Variants in DRC3 observed in about 807,000 individuals in gnomAD.
DRC3 encodes the protein dynein regulatory complex subunit 3.
DRC3 carries 45 observed loss-of-function variants against 57.6 expected under a neutral mutation model. The ratio of observed to expected loss-of-function variants is 0.78; its 90% CI spans 0.62 to 1.00. The LOEUF (loss-of-function observed/expected upper bound fraction) is 1.00. Among genes scored for constraint, DRC3 ranks in the 50% least tolerant of loss-of-function variants. The pLI, the probability that DRC3 is intolerant of heterozygous loss-of-function variation, is 0.00. For synonymous variants in DRC3, 257 were observed against 272.3 expected (o/e 0.94, Z 0.55); for missense variants, 655 against 675.2 (o/e 0.97, Z 0.33).
At chr17:18,004,758 T>A in intron 10 of DRC3, 1 of 441,408 alleles carries the variant, frequency 2.3e-6, no homozygotes, top group Non-Finnish European at 4.1e-6. Context: ...TGGGGAGAGG[T>A]TTTTGATTAG....
At chr17:17,979,711 T>C (rs1310246879) in intron 3 of DRC3, among the ~76,000 whole-genome samples, 1 of 152,120 alleles carries the variant, frequency 6.6e-6, no homozygotes, top group Non-Finnish European at 1.5e-5. Flanking sequence ...GTGCTACTGC[T>C]GGGGGGCTGT....
At chr17:17,987,875 G>A (rs1448130910) in intron 4 of DRC3, 57 bp from the exon 5 acceptor site, 1 of 1,576,728 alleles carries the variant, frequency 6.3e-7, no homozygotes, top group African/African-American at 1.3e-5. Flanking sequence ...TTTTATTTCA[G>A]GACAGCCCAT....
rs2044053328 is a variant in DRC3 at position 18,008,306 on chromosome 17, G to C, written c.1326+1159G>C. On this transcript the variant is annotated intron_variant, in intron 12 of 13. Transcript: ENST00000399187. This position sits in a 1 kb window ranked among gnomAD's most constrained non-coding sequence, Gnocchi z 4.3. ...AACTTCCAGAAAAACCACTGTCTCT[G>C]TATCACATGCCCCATTTATCAGGTC... Among the ~76,000 whole-genome samples the C allele has an allele frequency of 6.6e-6, 1 of 152,208 alleles. No individual in the cohort carries two copies. The highest frequency in any genetic ancestry group is 1.5e-5 in the Non-Finnish European group (1 of 68,044).
rs192770165 is a variant in DRC3 at position 18,012,741 on chromosome 17, T to C, written c.1327-3323T>C. Among the ~76,000 whole-genome samples, 32 of 151,232 alleles carry C rather than the reference T, an allele frequency of 2.1e-4. 1 individual carries two copies. Among genetic ancestry groups the C allele is most frequent in the Admixed American group, 2.1e-3 (32 of 15,196 alleles). On this transcript the variant is annotated intron_variant, in intron 12 of 13. Transcript: ENST00000399187. ...GACCAGAAGAAAACAAGAGAAATGC[T>C]TTAGGACATTGGCCTGGGAAAAAAT...
chr17:18,002,766 G>A (rs1158852799), intron 9 of DRC3, among the ~76,000 whole-genome samples: 4 of 152,132 alleles, frequency 2.6e-5, no homozygotes, highest in Admixed American at 1.3e-4. Flanking sequence ...CTGAGTCAGC[G>A]AATGAAAGTG....
At chr17:18,007,612 A>G (rs2044028143) in intron 12 of DRC3, 4 of 1,429,936 alleles carry the variant, frequency 2.8e-6, no homozygotes, top group Non-Finnish European at 3.7e-6. Context: ...TGGTCACAAA[A>G]TCAGCAGGGT....
At chr17:17,995,958 C>T (rs1036318103) in intron 8 of DRC3, among the ~76,000 whole-genome samples, 2 of 152,220 alleles carry the variant, frequency 1.3e-5, no homozygotes, top group Middle Eastern at 3.2e-3. Context: ...TCTGTTTTCA[C>T]GCTCCTGATA....
chr17:17,978,508 G>A (rs552984736), intron 3 of DRC3, among the ~76,000 whole-genome samples: 88 of 152,322 alleles, frequency 5.8e-4, no homozygotes, highest in African/African-American at 2.0e-3. Flanking sequence ...CCACAGCAGA[G>A]TGACCTGGTC....
At chr17:17,975,051 T>C (rs1032149138) in intron 2 of DRC3, among the ~76,000 whole-genome samples, 19 of 152,158 alleles carry the variant, frequency 1.2e-4, no homozygotes, top group Non-Finnish European at 2.6e-4. Flanking sequence ...ACAAATAGCA[T>C]ATGTAATAAC....
chr17:17,977,681 A>G lies in DRC3; in HGVS notation c.83A>G (p.Gln28Arg). The G allele has an allele frequency of 6.2e-7, 1 of 1,613,146 alleles. No homozygotes were observed. Among genetic ancestry groups the G allele is most frequent in the Non-Finnish European group, 8.5e-7 (1 of 1,179,110 alleles). Residue 28 changes from glutamine (Q) to arginine (R), a missense_variant, in exon 3 of 14, where the codon CAG (glutamine) becomes CGG (arginine). By Grantham distance (43) the Gln-to-Arg change is conservative. Transcript: ENST00000399187. The stretch of plus-strand genomic sequence containing the variant: ...CTGGCCGTCGGGGACCAGGGCCCCC[A>G]GGAGGAGGCCGGGCAGCTGGCCAAG... ...LKLAVGDQGP[Q>R]EEAGQLAKQE...
intron 7 of DRC3, 142 bp downstream of exon 7, chr17:17,994,560 C>T (rs983444016): frequency 1.6e-6 from 2 of 1,218,206 alleles, no homozygotes; most frequent in African/African-American, 3.0e-5. Flanking sequence ...ATGCCCTCTC[C>T]CTTCCTGGCT....
At chr17:17,984,398 T>C (rs2042860986) in intron 4 of DRC3, among the ~76,000 whole-genome samples, 1 of 146,754 alleles carries the variant, frequency 6.8e-6, no homozygotes, top group Admixed American at 6.8e-5. Context: ...ATATGGGTCT[T>C]TCAGTTCACA....
chr17:18,004,313 T>C (rs746626628), intron 9 of DRC3, 50 bp from the exon 10 acceptor site: 12 of 1,556,338 alleles, frequency 7.7e-6, no homozygotes, highest in Non-Finnish European at 1.0e-5. Flanking sequence ...CCTGCCATTA[T>C]CTAATTACAC....
chr17:17,996,334 A>C (rs1377717632), intron 8 of DRC3, among the ~76,000 whole-genome samples: 1 of 152,226 alleles, frequency 6.6e-6, no homozygotes, highest in Admixed American at 6.5e-5. Flanking sequence ...GTTTAATTGA[A>C]CTTACAGTTC....
intron 10 of DRC3, chr17:18,005,600 C>CT (rs1423966217): frequency 3.9e-5 from 6 of 153,200 alleles, no homozygotes; most frequent in Non-Finnish European, 7.3e-5. Context: ...CCCGCTCCTA[C>CT]TGAGGGCCTC....
chr17:17,998,292 G>A (rs1388838561), intron 9 of DRC3, among the ~76,000 whole-genome samples: 1 of 152,220 alleles, frequency 6.6e-6, no homozygotes. Flanking sequence ...ACTAGGAGCA[G>A]CAAAGGAGAA....
In DRC3 at chr17:17,994,301, A is replaced by G. The variant is rs927152993; in HGVS notation, c.594A>G (p.Lys198=). ...TGCCACTCCCGTTCCCTGGTCAGAA[A>G]AAGCTTGCGGAGGCTAAGCACCAGT... ...LDYRRIDDHT[K]KLAEAKHQYS... is the part of the protein sequence containing the mutation. Residue 198 remains lysine (K), a splice_region_variant and synonymous_variant, in exon 7 of 14, where the codon AAA becomes AAG. Transcript: ENST00000399187. 6.4e-7 allele frequency: 1 copy of G among 1,552,004 alleles called. No homozygotes were observed. The highest frequency in any genetic ancestry group is 1.2e-5 in the South Asian group (1 of 84,070).
chr17:17,987,018 C>T (rs1225380327), intron 4 of DRC3, among the ~76,000 whole-genome samples: 1 of 151,892 alleles, frequency 6.6e-6, no homozygotes, highest in Non-Finnish European at 1.5e-5. Context: ...TGAGACTAGC[C>T]TGGGCAATAT....
At chr17:17,976,645 G>A (rs2042400901) in intron 2 of DRC3, among the ~76,000 whole-genome samples, 1 of 152,148 alleles carries the variant, frequency 6.6e-6, no homozygotes, top group South Asian at 2.1e-4. Flanking sequence ...TTGTGCCCCA[G>A]CCTGGGCGAC....
Sources: allele counts gnomAD v4.1 joint callset (sites outside exome capture counted in the v4.1 genomes callset), GRCh38; gene constraint gnomAD v4.1.1; non-coding constraint Gnocchi (gnomAD v3.1); transcripts MANE v1.5; gene names NCBI Gene and HGNC (gene_info 2026-07-23, HGNC 2026-07-21).